The following GDPD1 variants were observed in gnomAD, a reference collection of about 807,000 sequenced individuals.
GDPD1 encodes the protein lysophospholipase D GDPD1.
In GDPD1, 28 loss-of-function variants were observed where a neutral mutation model predicts 45.1. That is an observed-to-expected ratio of 0.62 (90% confidence interval 0.46 to 0.85). GDPD1 has a LOEUF of 0.85. GDPD1 is among the 40% of genes least tolerant of loss of function. GDPD1 has a pLI of 0.00. For synonymous variants in GDPD1, 139 were observed against 131.4 expected, an observed-to-expected ratio of 1.06 and a Z score of -0.40; for missense variants, 256 against 364.8, an observed-to-expected ratio of 0.70 and a Z score of 2.43.
At chr17:59,243,960 A>C (rs559681994) in intron 2 of GDPD1, among the ~76,000 whole-genome samples, 1 of 152,176 alleles carries the variant, frequency 6.6e-6, no homozygotes, top group Non-Finnish European at 1.5e-5. Context: ...CGGTGAATCC[A>C]TAGAGGTCTG....
At chr17:59,255,831 G>GTATATATATATATATATA (rs369473417) in intron 4 of GDPD1, among the ~76,000 whole-genome samples, 1 of 62,972 alleles carries the variant, frequency 1.6e-5, no homozygotes, top group African/African-American at 9.7e-5. Context: ...ATATATACGC[G>GTATATATATATATATATA]TATATATATA....
Position 59,273,005 on chromosome 17 carries a change from G to T in GDPD1, c.822+169G>T, listed in dbSNP as rs139432483. The stretch of plus-strand genomic sequence containing the variant: ...GCTCTTCCTTACACTTAGCAATAAA[G>T]CATTGGCATTTCTGGATCTAGATTC... On this transcript the variant is annotated intron_variant, in intron 9 of 9. Coordinates refer to ENST00000284116, the MANE Select transcript of GDPD1 (RefSeq NM_182569.4). 2.1e-6 allele frequency: 3 copies of T among 1,440,476 alleles called. No individual in the cohort carries two copies. The East Asian group carries it at 7.6e-5, about 36-fold the overall frequency. 89.2% of individuals were successfully genotyped at this position (1,440,476 alleles called of 1,614,324 possible). A position where few individuals can be genotyped will look rare whatever the true frequency, so the allele number is the denominator to read the frequency against.
chr17:59,248,364 A>C (rs982382256), intron 3 of GDPD1, among the ~76,000 whole-genome samples: 2 of 152,096 alleles, frequency 1.3e-5, no homozygotes, highest in Admixed American at 6.5e-5. Context: ...TAATTATACC[A>C]AAATTTGCTA....
At chr17:59,222,035 T>A (rs964846168) in intron 1 of GDPD1, among the ~76,000 whole-genome samples, 2 of 152,160 alleles carry the variant, frequency 1.3e-5, no homozygotes, top group Non-Finnish European at 2.9e-5. Context: ...CCAAATGCCT[T>A]GTTATTGTTT....
intron 3 of GDPD1, 47 bp from the exon 4 acceptor site, chr17:59,248,690 CTTA>C (rs773605162): frequency 3.7e-5 from 48 of 1,296,380 alleles, no homozygotes; most frequent in Non-Finnish European, 4.6e-5. Flanking sequence ...ACATAAAAAT[CTTA>C]TTATTTTTTG....
At chr17:59,231,324 C>CTTTTTTTTTTTTTTTTT (rs557850341) in intron 1 of GDPD1, among the ~76,000 whole-genome samples, 1 of 114,422 alleles carries the variant, frequency 8.7e-6, no homozygotes, top group Non-Finnish European at 1.7e-5. Flanking sequence ...TTCTTTCTTT[C>CTTTTTTTTTTTTTTTTT]TTTTTTTTTT....
In GDPD1 at chr17:59,255,765, ATATAT is replaced by A. The variant is rs1568346666; in HGVS notation, c.368-1356_368-1352del. Among the ~76,000 whole-genome samples the A allele has an allele frequency of 1.2e-4, 8 of 64,464 alleles. 1 individual carries two copies. Among genetic ancestry groups the A allele is most frequent in the Non-Finnish European group, 1.9e-4 (7 of 37,212 alleles). The allele number at this position is 64,464 out of a possible 152,430, so 42.3% of individuals were successfully genotyped here. ...TCTCAAAAAAAAAAAAAAAAAAAAT[ATATAT>A]ATATATATATATATACGCGTATATA... is the stretch of plus-strand genomic sequence containing the variant. On this transcript the variant is annotated intron_variant, in intron 4 of 9. Transcript: ENST00000284116.
At chr17:59,261,619 C>T (rs2047356197) in intron 6 of GDPD1, among the ~76,000 whole-genome samples, 2 of 151,854 alleles carry the variant, frequency 1.3e-5, no homozygotes, top group African/African-American at 4.8e-5. Context: ...CCTCAGCCTC[C>T]TGTGTAGCTT....
At position 59,223,887 on chromosome 17, in the gene GDPD1, G is replaced by A. The variant is rs371066464; in HGVS notation, c.142+3136G>A. Among the ~76,000 whole-genome samples the A allele has an allele frequency of 8.5e-5, 13 of 152,288 alleles. No individual in the cohort carries two copies. The East Asian group carries it at 1.4e-3, about 16-fold the overall frequency. On this transcript the variant is annotated intron_variant, in intron 1 of 9. Transcript: ENST00000284116. ...GATGGTGCCACTGCACTCCAGCTCA[G>A]GCGACAGTGCGAGACTCCGTCAGGG...
intron 6 of GDPD1, among the ~76,000 whole-genome samples, chr17:59,261,913 C>CTATTTTTTT (rs2047358628): frequency 1.3e-5 from 1 of 79,350 alleles, no homozygotes; most frequent in African/African-American, 6.4e-5. Flanking sequence ...AGATTACAGG[C>CTATTTTTTT]TTTTTTTTTT....
At chr17:59,222,658 G>C (rs1597957307) in intron 1 of GDPD1, among the ~76,000 whole-genome samples, 1 of 151,692 alleles carries the variant, frequency 6.6e-6, no homozygotes, top group East Asian at 1.9e-4. Context: ...GGGATTACAG[G>C]CTCCCGCCAC....
chr17:59,229,323 T>C, intron 1 of GDPD1, among the ~76,000 whole-genome samples: 1 of 148,848 alleles, frequency 6.7e-6, no homozygotes, highest in East Asian at 2.0e-4. Context: ...TGGCTAAATT[T>C]TTTTTTTTTT....
chr17:59,275,286 G>T lies in GDPD1; in HGVS notation c.*1513G>T, dbSNP rs976088092. 3.9e-6 allele frequency: 4 copies of T among 1,024,554 alleles called. No homozygotes were observed. Among genetic ancestry groups the T allele is most frequent in the African/African-American group, 3.2e-5 (2 of 62,424 alleles). The allele number at this position is 1,024,554 out of a possible 1,614,324, so 63.5% of individuals were successfully genotyped here. On this transcript the variant is annotated 3_prime_UTR_variant, in exon 10 of 10. Transcript: ENST00000284116. The stretch of plus-strand genomic sequence containing the variant: ...TTATTTGGCAAGTTATACATAATCA[G>T]CAGCAGCCAGGCTCAAGAAAATAAA...
chr17:59,269,069 CG>C (rs1390025767), intron 7 of GDPD1, among the ~76,000 whole-genome samples: 4 of 152,000 alleles, frequency 2.6e-5, no homozygotes, highest in Non-Finnish European at 4.4e-5. Flanking sequence ...GAGGCTGAGG[CG>C]GGTGGATCAC....
intron 4 of GDPD1, among the ~76,000 whole-genome samples, chr17:59,251,525 A>C (rs906410830): frequency 2.6e-5 from 4 of 152,064 alleles, no homozygotes; most frequent in Non-Finnish European, 5.9e-5. Context: ...GTCTCAAAAA[A>C]AAAAAGAACA....
intron 4 of GDPD1, among the ~76,000 whole-genome samples, chr17:59,256,538 A>G (rs933994470): frequency 1.3e-5 from 2 of 152,186 alleles, no homozygotes; most frequent in Non-Finnish European, 2.9e-5. Flanking sequence ...TGATATAGCA[A>G]AACTTTAGAA....
At chr17:59,245,377 T>G (rs201906792) in intron 2 of GDPD1, 37 bp from the exon 3 acceptor site, 1 of 1,581,386 alleles carries the variant, frequency 6.3e-7, no homozygotes, top group African/African-American at 1.4e-5. Context: ...AAATGTATAC[T>G]TAAGTGTCAG....
intron 4 of GDPD1, chr17:59,249,060 A>C (rs1430614359): frequency 8.1e-6 from 2 of 247,012 alleles, no homozygotes; most frequent in Non-Finnish European, 1.5e-5. Context: ...ATATTGCCGC[A>C]ACTTATATTA....
intron 3 of GDPD1, among the ~76,000 whole-genome samples, 174 bp downstream of exon 3, chr17:59,245,723 G>A (rs2147886624): frequency 6.6e-6 from 1 of 152,272 alleles, no homozygotes; most frequent in South Asian, 2.1e-4. Flanking sequence ...ACTGGCTCAT[G>A]CCTATAACTG....
Sources: gnomAD v4.1 joint callset for allele counts (sites outside exome capture counted in the v4.1 genomes callset) on GRCh38, gnomAD v4.1.1 for gene constraint, MANE v1.5 for transcripts, NCBI Gene and HGNC (gene_info 2026-07-23, HGNC 2026-07-21) for gene names.